The following SLC1A7 variants were observed in gnomAD, a reference collection of about 807,000 sequenced individuals.
SLC1A7 encodes the protein excitatory amino acid transporter 5.
SLC1A7 carries 40 observed loss-of-function variants against 47.7 expected under a neutral mutation model. That is an observed-to-expected ratio of 0.84 (90% confidence interval 0.65 to 1.09). The LOEUF is 1.09. SLC1A7 is among the 50% of genes least tolerant of loss of function. The pLI is 0.00. For synonymous variants in SLC1A7, 323 were observed against 325.6 expected (o/e 0.99, Z 0.09); for missense variants, 746 against 769.5 (o/e 0.97, Z 0.36).
intron 1 of SLC1A7, among the ~76,000 whole-genome samples, chr1:53,135,596 C>T (rs1319925439): frequency 6.6e-6 from 1 of 152,062 alleles, no homozygotes; most frequent in African/African-American, 2.4e-5. Flanking sequence ...GTAACAGTCA[C>T]GTGACCAGGA....
intron 9 of SLC1A7, among the ~76,000 whole-genome samples, chr1:53,089,415 T>A (rs1644395054): frequency 6.6e-6 from 1 of 152,116 alleles, no homozygotes; most frequent in Non-Finnish European, 1.5e-5. Context: ...CAGGCACATG[T>A]CACCAGTCCC....
Position 53,136,310 on chromosome 1 carries a change from C to T in SLC1A7, c.136-1881G>A, listed in dbSNP as rs1240836519. On this transcript the variant is annotated intron_variant, in intron 1 of 10. Coordinates refer to ENST00000371494, the MANE Select transcript of SLC1A7 (RefSeq NM_006671.6). Reference sequence around the variant, plus strand: ...CCAGGTTCAACCAATCCCCCTGCCTCACCCTCCCAAGTAGCTGGGACTACA... The same window carrying T: ...CCAGGTTCAACCAATCCCCCTGCCTTACCCTCCCAAGTAGCTGGGACTACA... Among the ~76,000 whole-genome samples the T allele has an allele frequency of 2.7e-5, 4 of 148,302 alleles. No individual in the cohort carries two copies. In the South Asian group the frequency reaches 6.3e-4, roughly 23 times the overall value.
intron 3 of SLC1A7, among the ~76,000 whole-genome samples, chr1:53,109,107 C>T (rs939906499): frequency 2.0e-5 from 3 of 152,094 alleles, no homozygotes; most frequent in African/African-American, 4.8e-5. Context: ...CCTCCCTGCA[C>T]GTTTTCTAGG....
intron 5 of SLC1A7, among the ~76,000 whole-genome samples, chr1:53,097,695 T>C (rs1288417): frequency 1 from 150,358 of 150,686 alleles, 75,016 homozygotes; most frequent in East Asian, 1. Flanking sequence ...AGTACACTCA[T>C]ACAACCCACC....
intron 3 of SLC1A7, among the ~76,000 whole-genome samples, chr1:53,113,871 C>G (rs1169837179): frequency 6.6e-6 from 1 of 152,068 alleles, no homozygotes; most frequent in Non-Finnish European, 1.5e-5. Flanking sequence ...CTTCTCCCCG[C>G]AGACGGTTCC....
At chr1:53,140,624 C>CT (rs1478338945) in intron 1 of SLC1A7, among the ~76,000 whole-genome samples, 2 of 152,116 alleles carry the variant, frequency 1.3e-5, no homozygotes, top group African/African-American at 4.8e-5. Flanking sequence ...GTAGATAGGA[C>CT]TTTAACAGGT....
intron 2 of SLC1A7, among the ~76,000 whole-genome samples, chr1:53,118,182 G>A (rs1347516711): frequency 6.6e-6 from 1 of 152,254 alleles, no homozygotes; most frequent in East Asian, 1.9e-4. Flanking sequence ...CCTCCCTGCT[G>A]AGGCTCCTCA....
chr1:53,132,409 A>T (rs1644950582), intron 2 of SLC1A7, among the ~76,000 whole-genome samples: 1 of 152,094 alleles, frequency 6.6e-6, no homozygotes, highest in Non-Finnish European at 1.5e-5. Context: ...GGAACTGTGG[A>T]TGGGGCTGTG....
chr1:53,128,917 G>A lies in SLC1A7; in HGVS notation c.215+5433C>T, dbSNP rs773269977. Among the ~76,000 whole-genome samples, 47 of 141,756 alleles carry A rather than the reference G, an allele frequency of 3.3e-4. 14 individuals carry two copies. The highest frequency in any genetic ancestry group is 5.3e-4 in the Non-Finnish European group (34 of 64,208). 93.0% of individuals were successfully genotyped at this position (141,756 alleles called of 152,430 possible). A position where few individuals can be genotyped will look rare whatever the true frequency, so the allele number is the denominator to read the frequency against. On this transcript the variant is annotated intron_variant, in intron 2 of 10. Coordinates refer to ENST00000371494, the MANE Select transcript of SLC1A7 (RefSeq NM_006671.6). ...ACATCTGCCAGGCATGGTGGCTCAC[G>A]CATGTAATCCTAGCACTTTGGGAGG...
chr1:53,124,482 T>C (rs1284654838), intron 2 of SLC1A7, among the ~76,000 whole-genome samples: 1 of 152,126 alleles, frequency 6.6e-6, no homozygotes, highest in Non-Finnish European at 1.5e-5. Flanking sequence ...AAGTGGAGAA[T>C]TGGAGGCTCT....
At chr1:53,132,598 C>T (rs982220873) in intron 2 of SLC1A7, among the ~76,000 whole-genome samples, 1 of 152,164 alleles carries the variant, frequency 6.6e-6, no homozygotes, top group Non-Finnish European at 1.5e-5. Context: ...ATAATTCCCG[C>T]ACTTTGGGAG....
At chr1:53,119,078 C>CA (rs11424356) in intron 2 of SLC1A7, among the ~76,000 whole-genome samples, 152,182 of 152,350 alleles carry the variant, frequency 1, 76,008 homozygotes, top group Non-Finnish European at 1. Flanking sequence ...GCACTGCCTG[C>CA]TTTTGGGTCT....
At chr1:53,105,838 G>A in intron 3 of SLC1A7, 64 bp from the exon 4 acceptor site, 1 of 1,372,614 alleles carries the variant, frequency 7.3e-7, no homozygotes, top group Admixed American at 1.7e-5. Context: ...TGGGGGTTGT[G>A]GCCTTGGGGT....
rs548352363 is a variant in SLC1A7 at position 53,103,515 on chromosome 1, C to G, written c.528G>C (p.Glu176Asp). 2.5e-6 allele frequency: 4 copies of G among 1,612,252 alleles called. No individual in the cohort carries two copies. The highest frequency in any genetic ancestry group is 3.3e-5 in the Admixed American group (2 of 59,854). The change falls in exon 5 of 11, where the codon GAG (glutamate) becomes GAC (aspartate). Residue 176 changes from glutamate to aspartate, a missense_variant. By Grantham distance (45) the Glu-to-Asp change is conservative (BLOSUM62 2). Transcript: ENST00000371494. ...AGATGAGGATCCGCCGAGGAGGGGCCTCCTCTGGTGCCACCTTGGGGGACT... is the reference window on the plus strand; with the variant it reads ...AGATGAGGATCCGCCGAGGAGGGGCGTCCTCTGGTGCCACCTTGGGGGACT... ...VVKSPKVAPE[E>D]APPRRILIYG...
intron 2 of SLC1A7, among the ~76,000 whole-genome samples, chr1:53,116,726 A>T (rs1644766052): frequency 6.6e-6 from 1 of 152,142 alleles, no homozygotes; most frequent in Admixed American, 6.5e-5. Flanking sequence ...GGCCACAGGG[A>T]AGCCATGTAC....
intron 1 of SLC1A7, among the ~76,000 whole-genome samples, chr1:53,140,684 C>A (rs1645049038): frequency 6.6e-6 from 1 of 152,130 alleles, no homozygotes; most frequent in African/African-American, 2.4e-5. Context: ...CTACTGTATG[C>A]TGGGCATTGA....
intron 5 of SLC1A7, among the ~76,000 whole-genome samples, chr1:53,100,470 C>T (rs1354798827): frequency 1.3e-5 from 2 of 151,200 alleles, no homozygotes; most frequent in Non-Finnish European, 2.9e-5. Flanking sequence ...TACACACTGC[C>T]TTGGTGCACT....
rs111565400 is a variant in SLC1A7, at chr1:53,109,451, C to T, written c.432-3677G>A. On this transcript the variant is annotated intron_variant, in intron 3 of 10. Coordinates refer to ENST00000371494, the MANE Select transcript of SLC1A7 (RefSeq NM_006671.6). ...GCGCCAGCCTTCTGGAGCGGCCCCC[C>T]GGAGCCCTGGAAAATGAATTCCTGT... Among the ~76,000 whole-genome samples, 502 of 152,304 alleles carry T rather than the reference C, an allele frequency of 3.3e-3. 2 individuals are homozygous for T. The highest frequency in any genetic ancestry group is 0.012 in the African/African-American group (486 of 41,572).
chr1:53,104,275 A>C (rs1644615369), intron 4 of SLC1A7, among the ~76,000 whole-genome samples: 1 of 152,190 alleles, frequency 6.6e-6, no homozygotes, highest in Non-Finnish European at 1.5e-5. Flanking sequence ...AAATGAAATG[A>C]GACGATGTAT....
Sources: allele counts gnomAD v4.1 joint callset (sites outside exome capture counted in the v4.1 genomes callset), GRCh38; gene constraint gnomAD v4.1.1; transcripts MANE v1.5; gene names NCBI Gene and HGNC (gene_info 2026-07-23, HGNC 2026-07-21).